Variants in KYAT3 observed in about 807,000 individuals in gnomAD.
KYAT3 encodes the protein kynurenine aminotransferase 3, also known as kynurenine--oxoglutarate transaminase 3.
Under a neutral mutation model 59.0 loss-of-function variants are expected in KYAT3, and 50 were observed. The ratio of observed to expected loss-of-function variants is 0.85; its 90% confidence interval spans 0.68 to 1.07. The LOEUF is 1.07. Among genes scored for constraint, KYAT3 ranks in the 50% least tolerant of loss-of-function variants. The pLI is 0.00. For synonymous variants in KYAT3, 148 were observed against 177.0 expected, an observed-to-expected ratio of 0.84 and a Z score of 1.30; for missense variants, 497 against 533.3, an observed-to-expected ratio of 0.93 and a Z score of 0.67.
intron 2 of KYAT3, among the ~76,000 whole-genome samples, chr1:88,972,233 A>G (rs940660080): frequency 1.9e-4 from 29 of 152,286 alleles, no homozygotes; most frequent in Non-Finnish European, 3.5e-4. Flanking sequence ...AAGGTTTTCC[A>G]CTGAATGAGG....
intron 2 of KYAT3, among the ~76,000 whole-genome samples, chr1:88,972,298 G>C (rs145351505): frequency 6.6e-6 from 1 of 152,116 alleles, no homozygotes; most frequent in Non-Finnish European, 1.5e-5. Context: ...TGATTTAAAC[G>C]TTAATCTCAT....
the KYAT3 span, among the ~76,000 whole-genome samples, chr1:88,926,473 C>G: frequency 6.6e-6 from 1 of 152,182 alleles, no homozygotes. Flanking sequence ...GCCACCATAC[C>G]TGGTTAATTT....
chr1:88,960,013 A>G (rs950006386), intron 8 of KYAT3, among the ~76,000 whole-genome samples: 2 of 129,722 alleles, frequency 1.5e-5, no homozygotes, highest in African/African-American at 5.5e-5. Flanking sequence ...GGCTGCAGTG[A>G]GCCAGTGGTG....
intron 10 of KYAT3, 127 bp downstream of exon 10, chr1:88,952,936 C>A: frequency 1.7e-6 from 1 of 600,212 alleles, no homozygotes; most frequent in African/African-American, 1.9e-5. Context: ...CCCCAAATTC[C>A]AAATTATATT....
At position 88,982,716 on chromosome 1, in the gene KYAT3, G is replaced by T. The variant is rs772829205; in HGVS notation, c.99+5536C>A. 7 of 1,613,860 alleles carry T rather than the reference G, an allele frequency of 4.3e-6. No homozygotes were observed. The South Asian group carries it at 7.7e-5, about 18-fold the overall frequency. On this transcript the variant is annotated intron_variant, in intron 2 of 13. Coordinates refer to ENST00000260508, the MANE Select transcript of KYAT3 (RefSeq NM_001008661.3). Reference sequence around the variant, plus strand: ...CTTCCTCCAGGGCCAGCACCTCTTGGTGCTCCGCGGCTTGAACTGCTGTAG... The same window carrying T: ...CTTCCTCCAGGGCCAGCACCTCTTGTTGCTCCGCGGCTTGAACTGCTGTAG...
intron 10 of KYAT3, among the ~76,000 whole-genome samples, 161 bp from the exon 11 acceptor site, chr1:88,949,438 T>C (rs950490511): frequency 2.0e-5 from 3 of 152,192 alleles, no homozygotes; most frequent in Admixed American, 6.5e-5. Context: ...TTAAACTCTA[T>C]AGGTTAATGG....
At chr1:88,968,365 T>C (rs1213044741) in intron 4 of KYAT3, among the ~76,000 whole-genome samples, 1 of 152,186 alleles carries the variant, frequency 6.6e-6, no homozygotes, top group East Asian at 1.9e-4. Flanking sequence ...TGCATAAATG[T>C]TGATGAGATA....
rs774917418 is a variant in KYAT3, at chr1:88,983,410, G to A, written c.99+4842C>T. ...GGAGTGGTCCCCTGGAAGAACTCAT[G>A]TTAAAATTCATGGAATATCCACCAT... On this transcript the variant is annotated intron_variant, in intron 2 of 13. Coordinates refer to ENST00000260508, the MANE Select transcript of KYAT3 (RefSeq NM_001008661.3). 6 of 1,614,218 alleles carry A rather than the reference G, an allele frequency of 3.7e-6. No individual in the cohort carries two copies. The Admixed American group carries it at 1.0e-4, about 27-fold the overall frequency.
rs749668471 is a variant in KYAT3 at position 88,961,380 on chromosome 1, C to T, written c.666+1G>A. 1.2e-6 allele frequency: 2 copies of T among 1,613,772 alleles called. No individual in the cohort carries two copies. The highest frequency in any genetic ancestry group is 1.7e-5 in the Admixed American group (1 of 60,010). On this transcript the variant is annotated splice_donor_variant, in intron 7 of 13. Coordinates refer to ENST00000260508, the MANE Select transcript of KYAT3 (RefSeq NM_001008661.3). LOFTEE classifies it high-confidence loss of function. ...TGTATAAGGAGATGAGACTTGCTTA[C>T]CTTGCCAAGTGGGTTATGTGGAGTA... is the stretch of plus-strand genomic sequence containing the variant.
At chr1:88,927,314 A>G in the KYAT3 span, among the ~76,000 whole-genome samples, 156 of 152,320 alleles carry the variant, frequency 1.0e-3, no homozygotes, top group African/African-American at 3.7e-3. Context: ...ATTCTTCTGC[A>G]GTACTGCCTG....
intron 2 of KYAT3, chr1:88,982,112 T>A: frequency 1.0e-6 from 1 of 986,248 alleles, no homozygotes; most frequent in Non-Finnish European, 1.2e-6. Context: ...CCATTTGCTT[T>A]TTTTGGGTTT....
chr1:88,947,767 CA>C (rs1675499353), intron 11 of KYAT3, among the ~76,000 whole-genome samples: 1 of 152,100 alleles, frequency 6.6e-6, no homozygotes, highest in South Asian at 2.1e-4. Flanking sequence ...TGAACTATTA[CA>C]AGTAAAAATT....
downstream of KYAT3, among the ~76,000 whole-genome samples, chr1:88,931,263 C>T (rs1030569665): frequency 2.0e-5 from 3 of 152,206 alleles, no homozygotes; most frequent in Non-Finnish European, 2.9e-5. Context: ...TCCTGCACTG[C>T]AGGCCATATA....
chr1:88,924,978 G>A, the KYAT3 span, among the ~76,000 whole-genome samples: 1 of 152,196 alleles, frequency 6.6e-6, no homozygotes. Context: ...CACCATCTTG[G>A]AAGCAGCCCG....
At position 88,968,819 on chromosome 1, in the gene KYAT3, G is replaced by C. The variant is rs202106005; in HGVS notation, c.159-5C>G. 14 of 1,568,628 alleles carry C rather than the reference G, an allele frequency of 8.9e-6. No individual in the cohort carries two copies. In the East Asian group the frequency reaches 3.0e-4, roughly 34 times the overall value. ...GCCAATTTGGTAAATTCAATCCTAA[G>C]ATTGAAAAAAATACTAATATTAATA... On this transcript the variant is annotated splice_region_variant and splice_polypyrimidine_tract_variant and intron_variant, in intron 3 of 13. Transcript: ENST00000260508.
intron 11 of KYAT3, among the ~76,000 whole-genome samples, chr1:88,948,237 A>G (rs2893083): frequency 0.46 from 69,992 of 151,946 alleles, 16,274 homozygotes; most frequent in Admixed American, 0.5. Flanking sequence ...TATACAATTT[A>G]GTATAAATAA....
intron 5 of KYAT3, among the ~76,000 whole-genome samples, chr1:88,963,929 G>A (rs576639495): frequency 1.7e-4 from 26 of 152,202 alleles, no homozygotes; most frequent in Non-Finnish European, 2.2e-4. Flanking sequence ...TCAGCTGGGC[G>A]TGGTGGCTCA....
chr1:88,981,519 G>A (rs1382425598), intron 2 of KYAT3: 1 of 155,674 alleles, frequency 6.4e-6, no homozygotes, highest in African/African-American at 2.4e-5. Context: ...CCCTAGTTAT[G>A]AGTGTTAATC....
At chr1:88,953,284 C>T in intron 9 of KYAT3, 132 bp from the exon 10 acceptor site, 1 of 620,284 alleles carries the variant, frequency 1.6e-6, no homozygotes, top group Non-Finnish European at 2.8e-6. Context: ...GTGACTCACA[C>T]CTGTAATCCC....
Sources: allele counts gnomAD v4.1 joint callset (sites outside exome capture counted in the v4.1 genomes callset), GRCh38; gene constraint gnomAD v4.1.1; transcripts MANE v1.5; gene names NCBI Gene and HGNC (gene_info 2026-07-23, HGNC 2026-07-21).